Variants in OPLAH observed in about 807,000 individuals in gnomAD.
OPLAH encodes 5-oxoprolinase.
OPLAH carries 103 observed loss-of-function variants against 122.8 expected under a neutral mutation model. The ratio of observed to expected loss-of-function variants is 0.84; its 90% confidence interval spans 0.71 to 0.99. The LOEUF is 0.99. Ranked by LOEUF, OPLAH falls within the 50% of genes least tolerant of loss-of-function variation. The pLI is 0.00. For missense variants in OPLAH, 1,902 were observed against 1,836.5 expected (o/e 1.04, Z -0.65); for synonymous variants, 875 against 796.0 (o/e 1.10, Z -1.67).
chr8:144,058,742 C>T lies in OPLAH; in HGVS notation c.587+31G>A, dbSNP rs782574872. On this transcript the variant is annotated intron_variant, in intron 5 of 26. Coordinates refer to ENST00000618853, the MANE Select transcript of OPLAH (RefSeq NM_017570.5). ...CGTCTCCCACCAGGCCCGGCACCTG[C>T]TCCCGCAGCCCACAGCCCCACCTCA... The T allele has an allele frequency of 1.9e-6, 3 of 1,582,708 alleles. No individual in the cohort carries two copies. The South Asian group carries it at 3.4e-5, about 18-fold the overall frequency.
Position 144,057,288 on chromosome 8 carries a change from C to G in OPLAH, c.1455G>C (p.Leu485=). The change falls in exon 11 of 27, where the codon CTG becomes CTC. Residue 485 remains leucine, a synonymous_variant. Coordinates refer to ENST00000618853, the MANE Select transcript of OPLAH (RefSeq NM_017570.5). ...ARGHDPSAHV[L]ACFGGAGGQH... ...GCCCACCAGCTCCCCCAAAGCAGGCCAGCACATGGGCTGAGGGGTCATGGC... is the reference window on the plus strand; with the variant it reads ...GCCCACCAGCTCCCCCAAAGCAGGCGAGCACATGGGCTGAGGGGTCATGGC... 6.2e-7 allele frequency: 1 copy of G among 1,612,420 alleles called. No individual in the cohort carries two copies. Among genetic ancestry groups the G allele is most frequent in the Non-Finnish European group, 8.5e-7 (1 of 1,179,760 alleles).
At chr8:144,058,203 G>A in intron 7 of OPLAH, 36 bp downstream of exon 7, 1 of 1,604,800 alleles carries the variant, frequency 6.2e-7, no homozygotes, top group Non-Finnish European at 8.5e-7. Flanking sequence ...CCCAGCAGCT[G>A]AGCCTCCCCG....
At position 144,056,441 on chromosome 8, in the gene OPLAH, C is replaced by T; in HGVS notation, c.1927G>A (p.Gly643Ser). The T allele has an allele frequency of 1.2e-6, 2 of 1,610,326 alleles. No homozygotes were observed. Among genetic ancestry groups the T allele is most frequent in the South Asian group, 2.2e-5 (2 of 90,864 alleles). ...TTGGGGGCATCCTCGAGGCGAAGAC[C>T]ACTGCGGCCGGTGCCCCGCACTCGC... is the stretch of plus-strand genomic sequence containing the variant. Reference protein sequence around the residue: ...DVRVRGTGRSGLRLEDAPKAQ... With the variant: ...DVRVRGTGRSSLRLEDAPKAQ... Residue 643 changes from glycine (G) to serine (S), a missense_variant, in exon 14 of 27, where the codon GGT (glycine) becomes AGT (serine). Coordinates refer to ENST00000618853, the MANE Select transcript of OPLAH (RefSeq NM_017570.5).
At chr8:144,051,238 G>A (rs1197346220), downstream of OPLAH, 5 of 1,573,198 alleles carry the variant, frequency 3.2e-6, no homozygotes, top group Non-Finnish European at 3.4e-6. Context: ...CGCGGCTGGC[G>A]CGCACAGACA....
chr8:144,052,075 AC>A lies in OPLAH; in HGVS notation c.3462del (p.Tyr1155ThrfsTer41), dbSNP rs781992711. The A allele has an allele frequency of 6.3e-7, 1 of 1,581,308 alleles. No homozygotes were observed. The highest frequency in any genetic ancestry group is 1.7e-5 in the Admixed American group (1 of 58,538). On this transcript the variant is annotated frameshift_variant and splice_region_variant, in exon 25 of 27. Transcript: ENST00000618853. LOFTEE classifies it high-confidence loss of function. ...RITDPEILES[R>X]YPVILRRFEL... ...TCGAAGCGGCGCAGGATGACCGGGT[AC>A]CTGCGAGGGCGAGGACGAGGGCAAA...
Position 144,060,691 on chromosome 8 carries a change from C to T in OPLAH, c.-92G>A, listed in dbSNP as rs1479222027. On this transcript the variant is annotated 5_prime_UTR_variant, in exon 1 of 27. Transcript: ENST00000618853. ...CCGGCTCGGTCGCTCGCGGTCGGCT[C>T]TGCCTGCGCTCCCGGCGGCCCTGCC... 6.6e-6 allele frequency: 1 copy of T among 152,078 alleles called. No individual in the cohort carries two copies. Among genetic ancestry groups the T allele is most frequent in the Admixed American group, 6.6e-5 (1 of 15,252 alleles). The allele number at this position is 152,078 out of a possible 1,614,324, so 9.4% of individuals were successfully genotyped here.
rs782269002 is a variant in OPLAH at position 144,057,492 on chromosome 8, C to T, written c.1378G>A (p.Val460Met). Residue 460 changes from valine to methionine, a missense_variant, in exon 10 of 27, where the codon GTG becomes ATG. Physicochemically the swap from Val to Met is conservative, Grantham distance 21. Around this residue, in one of 3 missense-constraint regions of OPLAH, gnomAD observed 1,726 missense variants for 1,642.1 expected, o/e 1.05. Coordinates refer to ENST00000618853, the MANE Select transcript of OPLAH (RefSeq NM_017570.5). ...LEEVAMGFVR[V>M]ANEAMCRPIR... ...GGCCGGCACATGGCCTCGTTGGCCA[C>T]GCGCACGAACCCCATGGCCACCTCC... 12 of 1,596,204 alleles carry T rather than the reference C, an allele frequency of 7.5e-6. No individual in the cohort carries two copies. Among genetic ancestry groups the T allele is most frequent in the South Asian group, 1.1e-5 (1 of 88,816 alleles).
chr8:144,057,667 C>G lies in OPLAH; in HGVS notation c.1203G>C (p.Leu401=), dbSNP rs1554759673. ...VTDANLVLGR[L]LPASFPCIFG... is the part of the protein sequence containing the mutation. ...AAATGCAGGGGAAGGAGGCAGGCAG[C>G]AGGCGACCCAGGACCAGATTAGCAT... is the stretch of plus-strand genomic sequence containing the variant. Residue 401 remains leucine, a synonymous_variant, in exon 10 of 27, where the codon CTG becomes CTC. Coordinates refer to ENST00000618853, the MANE Select transcript of OPLAH (RefSeq NM_017570.5). 1 of 1,606,992 alleles carries G rather than the reference C, an allele frequency of 6.2e-7. No individual in the cohort carries two copies. Among genetic ancestry groups the G allele is most frequent in the Admixed American group, 1.7e-5 (1 of 59,122 alleles).
At position 144,057,601 on chromosome 8, in the gene OPLAH, G is replaced by T. The variant is rs781884387; in HGVS notation, c.1269C>A (p.Ser423=). 1 of 1,586,670 alleles carries T rather than the reference G, an allele frequency of 6.3e-7. No individual in the cohort carries two copies. Among genetic ancestry groups the T allele is most frequent in the Non-Finnish European group, 8.6e-7 (1 of 1,165,910 alleles). The change falls in exon 10 of 27, where the codon TCC becomes TCA. Residue 423 remains serine (S), a synonymous_variant. Coordinates refer to ENST00000618853, the MANE Select transcript of OPLAH (RefSeq NM_017570.5). ...TGGCCACAGCCTCCAGGGCTTTGCGGGAGGCCTCAGGGGAAAGTGGTTGGT... is the reference window on the plus strand; with the variant it reads ...TGGCCACAGCCTCCAGGGCTTTGCGTGAGGCCTCAGGGGAAAGTGGTTGGT... The part of the protein sequence containing the change: ...GENQPLSPEA[S]RKALEAVATE...
rs1554758508 is a variant in OPLAH at position 144,054,702 on chromosome 8, A to G, written c.2545T>C (p.Tyr849His). 2 of 1,612,328 alleles carry G rather than the reference A, an allele frequency of 1.2e-6. No individual in the cohort carries two copies. Among genetic ancestry groups the G allele is most frequent in the South Asian group, 2.2e-5 (2 of 91,082 alleles). The change falls in exon 19 of 27, where the codon TAT becomes CAT. Residue 849 changes from tyrosine to histidine, a missense_variant. Coordinates refer to ENST00000618853, the MANE Select transcript of OPLAH (RefSeq NM_017570.5). Reference sequence around the variant, plus strand: ...GCGTGGTGCCCTCGGCTGGCCACATAGAACACAGGCCGCGTCTGACCCGGC... The same window carrying G: ...GCGTGGTGCCCTCGGCTGGCCACATGGAACACAGGCCGCGTCTGACCCGGC... ...FWPGQTRPVF[Y>H]VASRGHHADI...
chr8:144,056,854 C>A, intron 12 of OPLAH, 94 bp downstream of exon 12: 1 of 1,517,652 alleles, frequency 6.6e-7, no homozygotes, highest in Middle Eastern at 1.7e-4. Context: ...CTCGCACACC[C>A]CGGGACCACC....
rs1188815152 is a variant in OPLAH, at chr8:144,057,449, T to G, written c.1421A>C (p.Gln474Pro). ...GCGGGAGAGCAGAGGTGGACGTACC[T>G]GCGTGAGTGCACGGATGGGCCGGCA... is the stretch of plus-strand genomic sequence containing the variant. The part of the protein sequence containing the change: ...AMCRPIRALT[Q>P]ARGHDPSAHV... The change falls in exon 10 of 27, where the codon CAG (glutamine) becomes CCG (proline). Residue 474 changes from glutamine to proline, a missense_variant and splice_region_variant. By Grantham distance (76) the Gln-to-Pro change is moderately conservative (BLOSUM62 -1). This residue lies in a region of OPLAH where 1,726 missense variants were observed against 1,642.1 expected (regional missense o/e 1.05). Coordinates refer to ENST00000618853, the MANE Select transcript of OPLAH (RefSeq NM_017570.5). 21 of 1,584,030 alleles carry G rather than the reference T, an allele frequency of 1.3e-5. 1 individual carries two copies. Among genetic ancestry groups the G allele is most frequent in the Non-Finnish European group, 1.8e-5 (21 of 1,165,396 alleles).
chr8:144,052,833 G>A lies in OPLAH; in HGVS notation c.3086C>T (p.Ala1029Val), dbSNP rs1162847395. 6.4e-7 allele frequency: 1 copy of A among 1,556,756 alleles called. No individual in the cohort carries two copies. The change falls in exon 22 of 27, where the codon GCC (alanine) becomes GTC (valine). Residue 1029 changes from alanine (A) to valine (V), a missense_variant. Physicochemically the swap from Ala to Val is moderately conservative, Grantham distance 64 (BLOSUM62 0). Around this residue, in one of 3 missense-constraint regions of OPLAH, gnomAD observed 1,726 missense variants for 1,642.1 expected, o/e 1.05. Coordinates refer to ENST00000618853, the MANE Select transcript of OPLAH (RefSeq NM_017570.5). Reference protein sequence around the residue: ...EVFGNLNAPRAVTLSALIYCL... With the variant: ...EVFGNLNAPRVVTLSALIYCL... ...GTAGATGAGGGCGGACAGGGTTACG[G>A]CCCGCGGTGCGTTGAGATTACCAAA... is the stretch of plus-strand genomic sequence containing the variant.
chr8:144,057,312 G>A lies in OPLAH; in HGVS notation c.1431C>T (p.Gly477=), dbSNP rs370128920. The change falls in exon 11 of 27, where the codon GGC becomes GGT. Residue 477 remains glycine (G), a synonymous_variant. Coordinates refer to ENST00000618853, the MANE Select transcript of OPLAH (RefSeq NM_017570.5). ...CCAGCACATGGGCTGAGGGGTCATG[G>A]CCTCTTGCCTAGGGAGACAGAAGGG... ...RPIRALTQAR[G]HDPSAHVLAC... 191 of 1,611,548 alleles carry A rather than the reference G, an allele frequency of 1.2e-4. No homozygotes were observed. The highest frequency in any genetic ancestry group is 1.1e-3 in the African/African-American group (86 of 75,060).
upstream of OPLAH, among the ~76,000 whole-genome samples, chr8:144,062,144 T>C (rs73379161): frequency 3.9e-3 from 592 of 152,310 alleles, 3 homozygotes; most frequent in African/African-American, 0.014. Context: ...CCCTGAATTC[T>C]TTCTTTCAAG....
intron 1 of OPLAH, among the ~76,000 whole-genome samples, chr8:144,060,295 G>C (rs1292797741): frequency 6.6e-6 from 1 of 152,250 alleles, no homozygotes; most frequent in Non-Finnish European, 1.5e-5. Context: ...CCAGCATCGC[G>C]CTTCTCCGGG....
chr8:144,059,595 T>G lies in OPLAH; in HGVS notation c.363+4A>C. 6.2e-7 allele frequency: 1 copy of G among 1,600,106 alleles called. No homozygotes were observed. Among genetic ancestry groups the G allele is most frequent in the Non-Finnish European group, 8.5e-7 (1 of 1,171,152 alleles). On this transcript the variant is annotated splice_donor_region_variant and intron_variant, in intron 3 of 26. Transcript: ENST00000618853. ...GCCTGGTCCCCAGCCAACATGGAGC[T>G]CACCAGGTCAAAGAGGTCCCCACGG...
intron 19 of OPLAH, 62 bp downstream of exon 19, chr8:144,054,499 T>C (rs1488320821): frequency 6.7e-7 from 1 of 1,490,582 alleles, no homozygotes; most frequent in Non-Finnish European, 9.0e-7. Context: ...CCAGGCCTGC[T>C]TGCCAGCAGT....
intron 19 of OPLAH, 68 bp from the exon 20 acceptor site, chr8:144,053,461 G>A: frequency 6.8e-7 from 1 of 1,478,480 alleles, no homozygotes; most frequent in Middle Eastern, 2.4e-4. Context: ...AGGTTTCCCA[G>A]ATCCAGACAA....
Sources: allele counts gnomAD v4.1 joint callset (sites outside exome capture counted in the v4.1 genomes callset), GRCh38; gene constraint gnomAD v4.1.1; regional missense constraint gnomAD v4.1.1; transcripts MANE v1.5; gene names NCBI Gene and HGNC (gene_info 2026-07-23, HGNC 2026-07-21).